FREM1: variants seen among roughly 807,000 people sequenced by gnomAD.
FREM1 encodes the protein FRAS1 related extracellular matrix 1, also known as FRAS1-related extracellular matrix protein 1.
In FREM1, 220 loss-of-function variants were observed where a neutral mutation model predicts 210.1. That is an observed-to-expected ratio of 1.05 (90% CI 0.94 to 1.17). The LOEUF (loss-of-function observed/expected upper bound fraction) is 1.17, where lower values mean the gene tolerates loss of function less well. FREM1 is among the 50% of genes most tolerant of loss of function. FREM1 has a pLI of 0.00. For synonymous variants in FREM1, 1,189 were observed against 980.2 expected (o/e 1.21, Z -3.98); for missense variants, 3,454 against 2,675.5 (o/e 1.29, Z -6.42).
chr9:14,870,914 T>G (rs1458069855), intron 1 of FREM1, among the ~76,000 whole-genome samples: 1 of 151,462 alleles, frequency 6.6e-6, no homozygotes, highest in African/African-American at 2.4e-5. Flanking sequence ...GTTTGGTTTT[T>G]TGTTCCTGCG....
intron 1 of FREM1, among the ~76,000 whole-genome samples, chr9:14,896,810 G>A (rs776894174): frequency 2.0e-4 from 31 of 152,142 alleles, no homozygotes; most frequent in Non-Finnish European, 3.8e-4. Context: ...TACACTTAAA[G>A]AAACTTCCAC....
At chr9:14,746,522 G>C in intron 34 of FREM1, 54 bp from the exon 35 acceptor site, 2 of 1,430,828 alleles carry the variant, frequency 1.4e-6, no homozygotes, top group South Asian at 2.3e-5. Context: ...ATCTGGAGTT[G>C]GTTCAGCATA....
At chr9:14,826,836 A>T (rs1441414301) in intron 10 of FREM1, among the ~76,000 whole-genome samples, 1 of 152,210 alleles carries the variant, frequency 6.6e-6, no homozygotes, top group African/African-American at 2.4e-5. Context: ...TGGAGTATAC[A>T]GCAACGAGGC....
rs376301776 is a variant in FREM1 at position 14,805,120 on chromosome 9, G to A, written c.3307C>T (p.His1103Tyr). The A allele has an allele frequency of 6.3e-7, 1 of 1,590,744 alleles. No individual in the cohort carries two copies. Among genetic ancestry groups the A allele is most frequent in the Non-Finnish European group, 8.6e-7 (1 of 1,166,432 alleles). The change falls in exon 19 of 37, where the codon CAC becomes TAC. Residue 1103 changes from histidine (H) to tyrosine (Y), a missense_variant. Physicochemically the swap from His to Tyr is moderately conservative, Grantham distance 83. Transcript: ENST00000380880. Reference protein sequence around the residue: ...SFQWKDMNAFHINYVQSRHLR... With the variant: ...SFQWKDMNAFYINYVQSRHLR... ...TGCCTGGACTGCACATAGTTAATGTGAAAAGCGTTCATGTCTTTCCACTGA... is the reference window on the plus strand; with the variant it reads ...TGCCTGGACTGCACATAGTTAATGTAAAAAGCGTTCATGTCTTTCCACTGA...
At chr9:14,741,240 A>G (rs1841525847) in intron 35 of FREM1, among the ~76,000 whole-genome samples, 1 of 152,234 alleles carries the variant, frequency 6.6e-6, no homozygotes. Flanking sequence ...TCGGGCAGAT[A>G]GCTGTTAAAT....
chr9:14,871,068 G>C (rs1009267507), intron 1 of FREM1, among the ~76,000 whole-genome samples: 1 of 152,106 alleles, frequency 6.6e-6, no homozygotes. Flanking sequence ...TGGACATTTG[G>C]GTTGGTTCCA....
In FREM1 at chr9:14,888,788, T is replaced by G. The variant is rs893695601; in HGVS notation, c.-267-19544A>C. 3.9e-5 allele frequency among the ~76,000 whole-genome samples: 6 copies of G among 152,230 alleles called. No individual in the cohort carries two copies. The East Asian group carries it at 1.2e-3, about 29-fold the overall frequency. The stretch of plus-strand genomic sequence containing the variant: ...CAATGTATGATTTTAGGAGAAACTT[T>G]AGAAATCATCGAGGCCATATTCTTC... On this transcript the variant is annotated intron_variant, in intron 1 of 36. Transcript: ENST00000380880.
At chr9:14,774,435 G>T (rs1403450448) in intron 25 of FREM1, among the ~76,000 whole-genome samples, 1 of 151,770 alleles carries the variant, frequency 6.6e-6, no homozygotes, top group Non-Finnish European at 1.5e-5. Flanking sequence ...TTTGTAGCCT[G>T]CCAACGTGCC....
chr9:14,902,690 G>A (rs1839000122), intron 1 of FREM1, among the ~76,000 whole-genome samples: 1 of 152,132 alleles, frequency 6.6e-6, no homozygotes. Context: ...GACAAAATTG[G>A]TTCCATCTGA....
chr9:14,828,110 C>A (rs1822825391), intron 10 of FREM1, among the ~76,000 whole-genome samples: 1 of 152,204 alleles, frequency 6.6e-6, no homozygotes, highest in South Asian at 2.1e-4. Context: ...AGGGCCACCC[C>A]AGAGACCACC....
chr9:14,849,764 G>C (rs1827337051), intron 6 of FREM1, among the ~76,000 whole-genome samples: 1 of 152,142 alleles, frequency 6.6e-6, no homozygotes, highest in South Asian at 2.1e-4. Flanking sequence ...TGAAAAAATT[G>C]AGAGTTACTG....
In FREM1 at chr9:14,812,985, A is replaced by C. The variant is rs1819670916; in HGVS notation, c.2720T>G (p.Val907Gly). 6.2e-6 allele frequency: 10 copies of C among 1,613,638 alleles called. No homozygotes were observed. The Admixed American group carries it at 6.7e-5, about 11-fold the overall frequency. Residue 907 changes from valine to glycine, a missense_variant, in exon 16 of 37, where the codon GTG becomes GGG. Physicochemically the swap from Val to Gly is moderately radical, Grantham distance 109 (BLOSUM62 -3). Transcript: ENST00000380880. ...AAAAATGTATTCAGAGGTGATGACC[A>C]CCTCTCCTCCCTCTGAGCAATTCAT... ...PVMNCSEGGE[V>G]VITSEYIFAT...
At position 14,906,553 on chromosome 9, in the gene FREM1, C is replaced by A. The variant is rs746230288; in HGVS notation, c.-268+3361G>T. 4.6e-5 allele frequency among the ~76,000 whole-genome samples: 7 copies of A among 152,210 alleles called. No individual in the cohort carries two copies. In the South Asian group the frequency reaches 1.4e-3, roughly 31 times the overall value. On this transcript the variant is annotated intron_variant, in intron 1 of 36. Transcript: ENST00000380880. ...AAGAGATTTGATAGGAAACGCCTAA[C>A]AAATTTTAAATATTTGGGTGAATTT...
chr9:14,759,556 A>G (rs1845087445), intron 28 of FREM1, among the ~76,000 whole-genome samples: 1 of 114,004 alleles, frequency 8.8e-6, no homozygotes, highest in South Asian at 2.8e-4. Flanking sequence ...AGCTTCAGCA[A>G]CACGTACACT....
At chr9:14,826,098 CT>C (rs5896650) in intron 10 of FREM1, among the ~76,000 whole-genome samples, 13 of 135,522 alleles carry the variant, frequency 9.6e-5, no homozygotes, top group African/African-American at 1.4e-4. Flanking sequence ...CTTTCTCAAC[CT>C]TTTTTTTTTT....
At chr9:14,758,690 G>C (rs1201692716) in intron 28 of FREM1, among the ~76,000 whole-genome samples, 2 of 150,870 alleles carry the variant, frequency 1.3e-5, no homozygotes, top group Admixed American at 6.6e-5. Context: ...GATGGGGTGG[G>C]GGGGAGTCTT....
At chr9:14,755,915 A>C (rs1844257656) in intron 29 of FREM1, among the ~76,000 whole-genome samples, 1 of 152,236 alleles carries the variant, frequency 6.6e-6, no homozygotes, top group Non-Finnish European at 1.5e-5. Context: ...GTGCTACTTA[A>C]CTAAATAATA....
At chr9:14,748,786 A>C in intron 30 of FREM1, 147 bp from the exon 31 acceptor site, 3 of 588,614 alleles carry the variant, frequency 5.1e-6, no homozygotes, top group East Asian at 2.7e-5. Context: ...TTTGCCAGAA[A>C]CTCCTTTACT....
chr9:14,833,999 C>G (rs1351841429), intron 10 of FREM1, among the ~76,000 whole-genome samples: 1 of 152,132 alleles, frequency 6.6e-6, no homozygotes, highest in Non-Finnish European at 1.5e-5. Context: ...GGAAATTATC[C>G]CTCTCAAAAT....
Sources: gnomAD v4.1 joint callset for allele counts (sites outside exome capture counted in the v4.1 genomes callset) on GRCh38, gnomAD v4.1.1 for gene constraint, MANE v1.5 for transcripts, NCBI Gene and HGNC (gene_info 2026-07-23, HGNC 2026-07-21) for gene names.